The following VEPH1 variants were observed in gnomAD, a reference collection of about 807,000 sequenced individuals.
The protein encoded by VEPH1 is ventricular zone-expressed PH domain-containing protein homolog 1.
Under a neutral mutation model 85.2 loss-of-function variants are expected in VEPH1, and 80 were observed. The ratio of observed to expected loss-of-function variants is 0.94; its 90% CI spans 0.78 to 1.13. The LOEUF is 1.13. VEPH1 is among the 50% of genes most tolerant of loss of function. The probability of loss-of-function intolerance (pLI) is 0.00; values close to 1 mark genes in which losing one functional copy is unlikely to be tolerated. For synonymous variants in VEPH1, 297 were observed against 348.0 expected (o/e 0.85, Z 1.63); for missense variants, 955 against 980.5 (o/e 0.97, Z 0.35).
chr3:157,474,308 A>C lies in VEPH1; in HGVS notation c.139-3779T>G, dbSNP rs551518507. 4.6e-5 allele frequency among the ~76,000 whole-genome samples: 7 copies of C among 152,228 alleles called. No homozygotes were observed. The South Asian group carries it at 1.0e-3, about 23-fold the overall frequency. On this transcript the variant is annotated intron_variant, in intron 2 of 13. Coordinates refer to ENST00000362010, the MANE Select transcript of VEPH1 (RefSeq NM_001167912.2). ...TAATCTTTATAACTCTTGTGAACTAAATCCATTAAAAAAACAAAGTGCCTT... is the reference window on the plus strand; with the variant it reads ...TAATCTTTATAACTCTTGTGAACTACATCCATTAAAAAAACAAAGTGCCTT...
chr3:157,332,521 CTTA>C (rs1358765146), intron 9 of VEPH1, among the ~76,000 whole-genome samples: 3 of 152,170 alleles, frequency 2.0e-5, no homozygotes, highest in Admixed American at 1.3e-4. Context: ...GCTTCTTTCA[CTTA>C]TTATGATGTT....
At chr3:157,472,977 GTT>G (rs1333333355) in intron 2 of VEPH1, among the ~76,000 whole-genome samples, 1 of 142,466 alleles carries the variant, frequency 7.0e-6, no homozygotes, top group Non-Finnish European at 1.5e-5. Context: ...TTTTGACCAT[GTT>G]TCCTAGTGTA....
In VEPH1 at chr3:157,328,111, G is replaced by A. The variant is rs185703472; in HGVS notation, c.1736-10910C>T. 1.8e-3 allele frequency among the ~76,000 whole-genome samples: 281 copies of A among 152,270 alleles called. 2 individuals are homozygous for A. The highest frequency in any genetic ancestry group is 0.017 in the Middle Eastern group (5 of 294). The stretch of plus-strand genomic sequence containing the variant: ...TTTCTAAGTGTTGTTTAGGGTGACC[G>A]GCCATCCCGATTTGCCTGAGATTAG... On this transcript the variant is annotated intron_variant, in intron 9 of 13. Transcript: ENST00000362010.
intron 9 of VEPH1, among the ~76,000 whole-genome samples, chr3:157,350,685 A>T (rs550147548): frequency 1.5e-4 from 23 of 152,294 alleles, no homozygotes; most frequent in African/African-American, 5.5e-4. Flanking sequence ...AAAAAATCTA[A>T]CAATCTGATT....
chr3:157,356,990 CTG>C (rs1725514630), intron 9 of VEPH1, among the ~76,000 whole-genome samples: 1 of 152,134 alleles, frequency 6.6e-6, no homozygotes, highest in Admixed American at 6.5e-5. Flanking sequence ...AAAGTACTGA[CTG>C]TGGATATAAG....
chr3:157,440,683 CAT>C (rs201474741), intron 4 of VEPH1, among the ~76,000 whole-genome samples: 1 of 151,308 alleles, frequency 6.6e-6, no homozygotes, highest in Non-Finnish European at 1.5e-5. Flanking sequence ...CGTATACATA[CAT>C]ATATATATAT....
At position 157,438,037 on chromosome 3, in the gene VEPH1, G is replaced by GCGCACACACACACACA. The variant is rs1553786688; in HGVS notation, c.530-9550_530-9549insTGTGTGTGTGTGTGCG. ...TCATGGGAAGCGCGCGCGCGCGCGC[G>GCGCACACACACACACA]CACACACACACACACACACACACAC... On this transcript the variant is annotated intron_variant, in intron 4 of 13. Coordinates refer to ENST00000362010, the MANE Select transcript of VEPH1 (RefSeq NM_001167912.2). 6 of 516,034 alleles carry GCGCACACACACACACA rather than the reference G, an allele frequency of 1.2e-5. 1 individual carries two copies. The South Asian group carries it at 1.2e-4, about 10-fold the overall frequency. 32.0% of individuals were successfully genotyped at this position (516,034 alleles called of 1,614,324 possible).
chr3:157,272,370 CTTTCT>C (rs1387397194), intron 12 of VEPH1, among the ~76,000 whole-genome samples: 1 of 111,284 alleles, frequency 9.0e-6, no homozygotes, highest in Non-Finnish European at 1.8e-5. Context: ...CTTTCTTTCT[CTTTCT>C]TTTCTTTCTT....
In VEPH1 at chr3:157,364,383, C is replaced by T. The variant is rs954886805; in HGVS notation, c.1257G>A (p.Gly419=). The change falls in exon 8 of 14, where the codon GGG becomes GGA. Residue 419 remains glycine (G), a synonymous_variant. Transcript: ENST00000362010. ...TTCTGATAGAGCCAGGGGTATTGCT[C>T]CCTGCATTTATCTTGTCTTCAAAAG... ...IQAFEDKINA[G]SNTPGSIRRY... 6.2e-7 allele frequency: 1 copy of T among 1,613,948 alleles called. No individual in the cohort carries two copies. The highest frequency in any genetic ancestry group is 1.7e-4 in the Middle Eastern group (1 of 6,056).
At chr3:157,331,121 T>G (rs1394510094) in intron 9 of VEPH1, among the ~76,000 whole-genome samples, 1 of 152,200 alleles carries the variant, frequency 6.6e-6, no homozygotes, top group East Asian at 1.9e-4. Flanking sequence ...CTTGCTGCCC[T>G]GAAAATTTCA....
At chr3:157,481,465 CAAAAAAAAAAA>C (rs1553796737) in intron 2 of VEPH1, among the ~76,000 whole-genome samples, 2 of 63,312 alleles carry the variant, frequency 3.2e-5, no homozygotes, top group African/African-American at 1.1e-4. Flanking sequence ...CACACACACA[CAAAAAAAAAAA>C]AAAAAAAAAA....
chr3:157,286,581 A>G lies in VEPH1; in HGVS notation c.2104T>C (p.Cys702Arg). Residue 702 changes from cysteine (C) to arginine (R), a missense_variant, in exon 12 of 14, where the codon TGC becomes CGC. Physicochemically the swap from Cys to Arg is radical, Grantham distance 180. Transcript: ENST00000362010. ...CCAGTTGCTTTCTCAGGATTGTTGC[A>G]CATGAAGCATTGCCATGCTCCTGCT... ...ETAGAWQCFM[C>R]NNPEKATVVN... 1 of 1,614,092 alleles carries G rather than the reference A, an allele frequency of 6.2e-7. No individual in the cohort carries two copies. The highest frequency in any genetic ancestry group is 1.7e-5 in the Admixed American group (1 of 60,028).
chr3:157,299,072 CT>C (rs1300226399), intron 11 of VEPH1, among the ~76,000 whole-genome samples: 1 of 152,122 alleles, frequency 6.6e-6, no homozygotes, highest in Non-Finnish European at 1.5e-5. Context: ...TGCTCAAAAC[CT>C]TTTTAGATGT....
chr3:157,365,137 T>A (rs1308376411), intron 7 of VEPH1, among the ~76,000 whole-genome samples: 2 of 152,212 alleles, frequency 1.3e-5, no homozygotes, highest in African/African-American at 4.8e-5. Context: ...ATGTGTGGTA[T>A]AATTTTGGAT....
rs757818668 is a variant in VEPH1 at position 157,442,729 on chromosome 3, G to A, written c.530-14241C>T. 3.1e-6 allele frequency: 5 copies of A among 1,614,226 alleles called. No individual in the cohort carries two copies. The South Asian group carries it at 4.4e-5, about 14-fold the overall frequency. On this transcript the variant is annotated intron_variant, in intron 4 of 13. Coordinates refer to ENST00000362010, the MANE Select transcript of VEPH1 (RefSeq NM_001167912.2). The stretch of plus-strand genomic sequence containing the variant: ...GCTACCACTGTTGAGATGGCCACAG[G>A]TCACATTGTTCCTGAGGGAGGAATC...
intron 2 of VEPH1, among the ~76,000 whole-genome samples, chr3:157,475,266 T>TATA (rs1304136387): frequency 6.6e-6 from 1 of 151,950 alleles, no homozygotes; most frequent in African/African-American, 2.4e-5. Context: ...GTGCTGGGAT[T>TATA]ATAAGTGTGA....
intron 6 of VEPH1, chr3:157,409,937 C>T: frequency 1.0e-6 from 1 of 985,176 alleles, no homozygotes; most frequent in Non-Finnish European, 1.2e-6. Flanking sequence ...AGGAGGTATG[C>T]TCTGATAAGT....
intron 5 of VEPH1, among the ~76,000 whole-genome samples, chr3:157,423,822 T>G (rs1732533688): frequency 6.6e-6 from 1 of 152,246 alleles, no homozygotes; most frequent in Non-Finnish European, 1.5e-5. Flanking sequence ...CAGTCTATTG[T>G]GGCTAATTAT....
In VEPH1 at chr3:157,381,384, A is replaced by G. The variant is rs750545485; in HGVS notation, c.907-8T>C. ...GCAGCTCCTGGCTCTCTCCTACCAA[A>G]AACAATGAAGAAAATAGGTTTATCT... On this transcript the variant is annotated splice_polypyrimidine_tract_variant and splice_region_variant and intron_variant, in intron 6 of 13. Coordinates refer to ENST00000362010, the MANE Select transcript of VEPH1 (RefSeq NM_001167912.2). 1 of 1,613,690 alleles carries G rather than the reference A, an allele frequency of 6.2e-7. No homozygotes were observed. The highest frequency in any genetic ancestry group is 8.5e-7 in the Non-Finnish European group (1 of 1,179,750).
Sources: allele counts gnomAD v4.1 joint callset (sites outside exome capture counted in the v4.1 genomes callset), GRCh38; gene constraint gnomAD v4.1.1; transcripts MANE v1.5; gene names NCBI Gene and HGNC (gene_info 2026-07-23, HGNC 2026-07-21).